Variants in SPAG16 observed in about 807,000 individuals in gnomAD.
SPAG16 encodes sperm-associated antigen 16 protein.
A neutral mutation model predicts 80.4 loss-of-function variants in SPAG16; 86 were observed. That is an observed-to-expected ratio of 1.07 (90% confidence interval 0.90 to 1.28). SPAG16 has a LOEUF of 1.28. SPAG16 is among the 50% of genes most tolerant of loss of function. The probability of loss-of-function intolerance (pLI) is 0.00; values close to 1 mark genes in which losing one functional copy is unlikely to be tolerated. For synonymous variants in SPAG16, 294 were observed against 265.9 expected (o/e 1.11, Z -1.03); for missense variants, 870 against 765.3 (o/e 1.14, Z -1.61).
intron 12 of SPAG16, among the ~76,000 whole-genome samples, chr2:214,012,259 CATATATATATATAT>C (rs1163146309): frequency 2.3e-4 from 9 of 39,834 alleles, no homozygotes; most frequent in African/African-American, 3.8e-4. Flanking sequence ...TTTATACTTA[CATATATATATATAT>C]ATATATATAT....
At chr2:214,235,835 T>G (rs2125813839) in intron 15 of SPAG16, among the ~76,000 whole-genome samples, 1 of 152,350 alleles carries the variant, frequency 6.6e-6, no homozygotes, top group African/African-American at 2.4e-5. Flanking sequence ...TTATGTATTA[T>G]AGCTATGACA....
intron 14 of SPAG16, among the ~76,000 whole-genome samples, chr2:214,137,024 A>T (rs1321773572): frequency 1.3e-5 from 2 of 152,130 alleles, no homozygotes; most frequent in African/African-American, 4.8e-5. Flanking sequence ...TTAGAAAATA[A>T]AAATTAGATC....
chr2:214,101,559 G>C (rs766188463), intron 13 of SPAG16, among the ~76,000 whole-genome samples: 2 of 152,080 alleles, frequency 1.3e-5, no homozygotes, highest in Non-Finnish European at 2.9e-5. Context: ...CTCATTACAT[G>C]GTCTCTCATA....
At chr2:214,062,461 G>A (rs1214865327) in intron 13 of SPAG16, among the ~76,000 whole-genome samples, 5 of 129,898 alleles carry the variant, frequency 3.8e-5, no homozygotes, top group Admixed American at 2.4e-4. Context: ...AAAACCAACC[G>A]CCTGACCTCA....
intron 15 of SPAG16, among the ~76,000 whole-genome samples, chr2:214,199,866 T>A (rs955060880): frequency 3.3e-5 from 5 of 152,144 alleles, no homozygotes; most frequent in African/African-American, 1.2e-4. Context: ...GCAGCTGTTG[T>A]AAAAGGGATT....
chr2:214,235,960 T>C (rs1036617169), intron 15 of SPAG16, among the ~76,000 whole-genome samples: 1 of 152,176 alleles, frequency 6.6e-6, no homozygotes, highest in African/African-American at 2.4e-5. Context: ...AGCAGTACAA[T>C]GTGTAGAGTA....
intron 10 of SPAG16, among the ~76,000 whole-genome samples, chr2:213,842,354 T>C (rs2074402458): frequency 6.6e-6 from 1 of 152,132 alleles, no homozygotes; most frequent in African/African-American, 2.4e-5. Context: ...GTTTATCTTC[T>C]GTTTTATTTT....
chr2:214,124,543 G>T (rs1298941742), intron 14 of SPAG16, among the ~76,000 whole-genome samples: 1 of 151,842 alleles, frequency 6.6e-6, no homozygotes, highest in East Asian at 1.9e-4. Context: ...TCTAATGCAT[G>T]AAACATTGTT....
chr2:214,222,343 C>T (rs2058599525), intron 15 of SPAG16, among the ~76,000 whole-genome samples: 1 of 152,016 alleles, frequency 6.6e-6, no homozygotes, highest in Non-Finnish European at 1.5e-5. Context: ...TCTTGAACTC[C>T]TGACCTCAGG....
At chr2:213,821,114 T>A (rs1461035342) in intron 10 of SPAG16, among the ~76,000 whole-genome samples, 2 of 152,098 alleles carry the variant, frequency 1.3e-5, no homozygotes, top group African/African-American at 2.4e-5. Flanking sequence ...TGAATTCTTG[T>A]CTTTTATAGG....
intron 10 of SPAG16, among the ~76,000 whole-genome samples, chr2:213,684,024 A>G (rs1320559567): frequency 6.6e-6 from 1 of 152,366 alleles, no homozygotes. Context: ...AGTACATAAA[A>G]AGAATTCATT....
chr2:214,027,273 A>G (rs73987134), intron 13 of SPAG16, among the ~76,000 whole-genome samples: 2,896 of 151,650 alleles, frequency 0.019, 94 homozygotes, highest in African/African-American at 0.067. Context: ...TCTTTACTGA[A>G]CAGCATAACT....
At chr2:213,857,769 T>G (rs1293290233) in intron 10 of SPAG16, among the ~76,000 whole-genome samples, 1 of 152,222 alleles carries the variant, frequency 6.6e-6, no homozygotes, top group African/African-American at 2.4e-5. Context: ...CCATAGACAG[T>G]GATTCCTCTG....
At chr2:213,969,453 G>T (rs544803990) in intron 12 of SPAG16, among the ~76,000 whole-genome samples, 1 of 152,268 alleles carries the variant, frequency 6.6e-6, no homozygotes, top group Admixed American at 6.5e-5. Context: ...AAGAAGTGAG[G>T]TATTTGGGAG....
At chr2:214,201,873 T>G (rs1014262106) in intron 15 of SPAG16, among the ~76,000 whole-genome samples, 1 of 152,094 alleles carries the variant, frequency 6.6e-6, no homozygotes, top group African/African-American at 2.4e-5. Context: ...TTAGACAGGG[T>G]CTTGCTCTGT....
At chr2:213,616,069 A>C (rs1189559890) in intron 10 of SPAG16, among the ~76,000 whole-genome samples, 1 of 152,196 alleles carries the variant, frequency 6.6e-6, no homozygotes, top group African/African-American at 2.4e-5. Context: ...TAATAATAAC[A>C]AAAGAAATTA....
Position 214,135,744 on chromosome 2 carries a change from TCTCTCA to T in SPAG16, c.1594-13391_1594-13386del, listed in dbSNP as rs1313968699. ...CTCTGTCTCTCTCTCTCTCTCTCTC[TCTCTCA>T]CTCTTGCTTTTCTCTCTTGCCATGT... On this transcript the variant is annotated intron_variant, in intron 14 of 15. Transcript: ENST00000331683. 2.6e-5 allele frequency among the ~76,000 whole-genome samples: 4 copies of T among 151,564 alleles called. No homozygotes were observed. In the East Asian group the frequency reaches 8.0e-4, roughly 30 times the overall value.
At chr2:213,912,866 C>G (rs2077738870) in intron 11 of SPAG16, among the ~76,000 whole-genome samples, 2 of 152,086 alleles carry the variant, frequency 1.3e-5, no homozygotes, top group South Asian at 4.1e-4. Context: ...TGTTAAATCA[C>G]TGAAATTTGA....
chr2:213,934,403 C>T (rs1361498110), intron 12 of SPAG16, among the ~76,000 whole-genome samples: 1 of 152,150 alleles, frequency 6.6e-6, no homozygotes, highest in Non-Finnish European at 1.5e-5. Context: ...CCAAATGATG[C>T]AGATTGTGTG....
Sources: gnomAD v4.1 joint callset for allele counts (sites outside exome capture counted in the v4.1 genomes callset) on GRCh38, gnomAD v4.1.1 for gene constraint, MANE v1.5 for transcripts, NCBI Gene and HGNC (gene_info 2026-07-23, HGNC 2026-07-21) for gene names.